CCSER1: variants seen among roughly 807,000 people sequenced by gnomAD.
The protein encoded by CCSER1 is coiled-coil serine rich protein 1.
CCSER1 carries 41 observed loss-of-function variants against 82.0 expected under a neutral mutation model. That is an observed-to-expected ratio of 0.50 (90% confidence interval 0.39 to 0.65). The LOEUF (loss-of-function observed/expected upper bound fraction) is 0.65, where lower values mean the gene tolerates loss of function less well. CCSER1 is among the 30% of genes least tolerant of loss of function. The probability of loss-of-function intolerance (pLI) is 0.00; values close to 1 mark genes in which losing one functional copy is unlikely to be tolerated. For missense variants in CCSER1, 1,119 were observed against 1,064.2 expected, an observed-to-expected ratio of 1.05 and a Z score of -0.72; for synonymous variants, 414 against 383.9, an observed-to-expected ratio of 1.08 and a Z score of -0.92.
chr4:90,805,425 G>A (rs1757381004), intron 7 of CCSER1, among the ~76,000 whole-genome samples: 1 of 152,178 alleles, frequency 6.6e-6, no homozygotes, highest in South Asian at 2.1e-4. Flanking sequence ...CATGGCTACT[G>A]GGTTCTTTCT....
rs79648650 is a variant in CCSER1, at chr4:91,449,174, G to A, written c.2218-149398G>A. Among the ~76,000 whole-genome samples, 37 of 152,018 alleles carry A rather than the reference G, an allele frequency of 2.4e-4. No homozygotes were observed. The East Asian group carries it at 4.6e-3, about 19-fold the overall frequency. ...TATTCCTCATGCCAGAGAGATAGAC[G>A]TTACTCTCCTGAGAAGCTGCTCTCA... On this transcript the variant is annotated intron_variant, in intron 10 of 10. Transcript: ENST00000509176.
At chr4:90,396,985 C>T (rs1413977572) in intron 3 of CCSER1, among the ~76,000 whole-genome samples, 1 of 151,904 alleles carries the variant, frequency 6.6e-6, no homozygotes, top group Admixed American at 6.6e-5. Flanking sequence ...CTATTGGTGT[C>T]TTTTAGGGAG....
chr4:91,301,757 G>A (rs543776038), intron 10 of CCSER1, among the ~76,000 whole-genome samples: 75 of 151,768 alleles, frequency 4.9e-4, no homozygotes, highest in African/African-American at 1.8e-3. Context: ...GGTTTAGATC[G>A]TAGCACATCC....
At chr4:90,579,328 A>C (rs1781151514) in intron 5 of CCSER1, among the ~76,000 whole-genome samples, 1 of 152,176 alleles carries the variant, frequency 6.6e-6, no homozygotes, top group Non-Finnish European at 1.5e-5. Flanking sequence ...ATTTGAGGTG[A>C]CGACTTTACT....
intron 8 of CCSER1, chr4:90,838,814 G>A (rs1762161472): frequency 6.5e-7 from 1 of 1,527,374 alleles, no homozygotes; most frequent in East Asian, 2.3e-5. Flanking sequence ...CAACCTCTTT[G>A]CATCTTACAA....
intron 10 of CCSER1, among the ~76,000 whole-genome samples, chr4:91,154,222 C>T (rs935243969): frequency 6.6e-6 from 1 of 152,046 alleles, no homozygotes; most frequent in South Asian, 2.1e-4. Flanking sequence ...AAACGCCCCT[C>T]CCCCAGCCTT....
At chr4:91,396,312 G>T (rs1220690611) in intron 10 of CCSER1, among the ~76,000 whole-genome samples, 4 of 152,090 alleles carry the variant, frequency 2.6e-5, no homozygotes, top group African/African-American at 9.7e-5. Context: ...TTTAGCTGTG[G>T]ATAAAGTTCT....
chr4:90,346,649 A>G (rs62312888), intron 3 of CCSER1, among the ~76,000 whole-genome samples: 23,302 of 152,002 alleles, frequency 0.15, 2,033 homozygotes, highest in Middle Eastern at 0.25. Context: ...ACAATTTTCT[A>G]TTACTGAAAA....
At chr4:90,655,694 G>C (rs1443002646) in intron 6 of CCSER1, among the ~76,000 whole-genome samples, 7 of 151,872 alleles carry the variant, frequency 4.6e-5, no homozygotes, top group African/African-American at 1.7e-4. Context: ...GTATTGAGAG[G>C]ATCCCTAAAA....
intron 10 of CCSER1, among the ~76,000 whole-genome samples, chr4:91,095,634 T>C (rs1581541929): frequency 6.6e-6 from 1 of 152,200 alleles, no homozygotes; most frequent in Non-Finnish European, 1.5e-5. Flanking sequence ...TTCAGGACTA[T>C]CCGGATCAAA....
intron 10 of CCSER1, among the ~76,000 whole-genome samples, chr4:91,558,341 G>T (rs969550454): frequency 6.6e-6 from 1 of 151,528 alleles, no homozygotes; most frequent in Non-Finnish European, 1.5e-5. Context: ...CTAGCGTATT[G>T]TTTTTTGATA....
chr4:90,135,669 C>G (rs984540229), intron 1 of CCSER1, among the ~76,000 whole-genome samples: 3 of 152,180 alleles, frequency 2.0e-5, no homozygotes, highest in Admixed American at 2.0e-4. Flanking sequence ...AGTTGTAGTA[C>G]CAGTTTAGGA....
At chr4:90,632,549 G>A (rs576852988) in intron 6 of CCSER1, among the ~76,000 whole-genome samples, 13 of 152,190 alleles carry the variant, frequency 8.5e-5, no homozygotes, top group African/African-American at 2.6e-4. Flanking sequence ...CATTGTGTTT[G>A]TATCTGAATC....
At chr4:90,454,806 T>G (rs914153247) in intron 4 of CCSER1, among the ~76,000 whole-genome samples, 1 of 152,202 alleles carries the variant, frequency 6.6e-6, no homozygotes, top group African/African-American at 2.4e-5. Flanking sequence ...AGCCTCTATA[T>G]GCAAATGTCA....
At chr4:91,573,162 T>G (rs1052629322) in intron 10 of CCSER1, among the ~76,000 whole-genome samples, 1 of 152,178 alleles carries the variant, frequency 6.6e-6, no homozygotes, top group Non-Finnish European at 1.5e-5. Context: ...CAACCCTGGT[T>G]GGCTTGTACT....
At chr4:90,282,392 A>G (rs1026464469) in intron 1 of CCSER1, among the ~76,000 whole-genome samples, 2 of 151,532 alleles carry the variant, frequency 1.3e-5, no homozygotes, top group Non-Finnish European at 1.5e-5. Context: ...TATAGAAAGT[A>G]TCTAATCCAT....
At chr4:91,524,592 G>C (rs1760675300) in intron 10 of CCSER1, among the ~76,000 whole-genome samples, 1 of 152,192 alleles carries the variant, frequency 6.6e-6, no homozygotes, top group East Asian at 1.9e-4. Flanking sequence ...ATAACCTAAT[G>C]GTCGTGCCTA....
intron 1 of CCSER1, among the ~76,000 whole-genome samples, chr4:90,301,057 C>T (rs1053475190): frequency 2.6e-5 from 4 of 152,130 alleles, no homozygotes; most frequent in South Asian, 2.1e-4. Flanking sequence ...TGGTCTCCAA[C>T]CCCTGGGCTC....
chr4:90,569,408 A>T (rs974076366), intron 5 of CCSER1, among the ~76,000 whole-genome samples: 2 of 152,146 alleles, frequency 1.3e-5, no homozygotes, highest in African/African-American at 4.8e-5. Context: ...CTAGAAATTG[A>T]TAGAGACGTG....
Sources: allele counts gnomAD v4.1 joint callset (sites outside exome capture counted in the v4.1 genomes callset), GRCh38; gene constraint gnomAD v4.1.1; transcripts MANE v1.5; gene names NCBI Gene and HGNC (gene_info 2026-07-23, HGNC 2026-07-21).